Variants in ANKS1B observed in about 807,000 individuals in gnomAD.
ANKS1B encodes ankyrin repeat and sterile alpha motif domain-containing protein 1B.
Under a neutral mutation model 148.3 loss-of-function variants are expected in ANKS1B, and 36 were observed. The observed-to-expected ratio is 0.24, with a 90% CI of 0.19 to 0.32. The LOEUF is 0.32. Ranked by LOEUF, ANKS1B falls within the 10% of genes least tolerant of loss-of-function variation. ANKS1B has a pLI of 1.00. For missense variants in ANKS1B, 1,157 were observed against 1,542.6 expected (o/e 0.75, Z 4.19); for synonymous variants, 542 against 560.8 (o/e 0.97, Z 0.47).
At chr12:98,780,520 C>G (rs1593439823) in intron 24 of ANKS1B, among the ~76,000 whole-genome samples, 1 of 152,222 alleles carries the variant, frequency 6.6e-6, no homozygotes, top group South Asian at 2.1e-4. Context: ...GAAGAAGTCA[C>G]AGCGGAGCCA....
chr12:99,014,965 C>T (rs575275747), intron 17 of ANKS1B, among the ~76,000 whole-genome samples: 9 of 152,290 alleles, frequency 5.9e-5, no homozygotes, highest in Non-Finnish European at 7.4e-5. Flanking sequence ...GTGGCCATTC[C>T]TCAAAGACCT....
At chr12:99,274,818 G>A (rs926579355) in intron 12 of ANKS1B, among the ~76,000 whole-genome samples, 1 of 152,112 alleles carries the variant, frequency 6.6e-6, no homozygotes, top group Non-Finnish European at 1.5e-5. Context: ...ATGGGACTGG[G>A]GTCAATGCAA....
intron 12 of ANKS1B, among the ~76,000 whole-genome samples, chr12:99,280,870 GTCTCTC>G (rs543317899): frequency 2.1e-5 from 3 of 145,390 alleles, no homozygotes; most frequent in African/African-American, 7.8e-5. Flanking sequence ...CTCTCTGTCT[GTCTCTC>G]TCTCTCTCTC....
chr12:99,199,149 C>T (rs879275453), intron 14 of ANKS1B, among the ~76,000 whole-genome samples: 4 of 152,194 alleles, frequency 2.6e-5, no homozygotes, highest in Admixed American at 6.5e-5. Flanking sequence ...TGACTACAAC[C>T]TCATAAGAGA....
chr12:99,910,768 C>G (rs2093981425), intron 1 of ANKS1B, among the ~76,000 whole-genome samples: 1 of 151,256 alleles, frequency 6.6e-6, no homozygotes, highest in South Asian at 2.1e-4. Context: ...GTGTACACAC[C>G]CATAATATAT....
At chr12:99,063,225 T>C (rs1328339263) in intron 16 of ANKS1B, among the ~76,000 whole-genome samples, 1 of 152,230 alleles carries the variant, frequency 6.6e-6, no homozygotes, top group Non-Finnish European at 1.5e-5. Flanking sequence ...CTGCCTGATA[T>C]GGCTTTTGTA....
At chr12:98,891,108 A>C (rs1416832855) in intron 17 of ANKS1B, among the ~76,000 whole-genome samples, 2 of 152,238 alleles carry the variant, frequency 1.3e-5, no homozygotes, top group Admixed American at 1.3e-4. Flanking sequence ...ATTTACAGAA[A>C]AATTGTTTTG....
chr12:99,721,975 C>G (rs2058132603), intron 8 of ANKS1B, among the ~76,000 whole-genome samples: 1 of 152,228 alleles, frequency 6.6e-6, no homozygotes, highest in Admixed American at 6.5e-5. Flanking sequence ...AAACCAGCCA[C>G]AACATTTACT....
chr12:99,691,411 CA>C (rs1294245393), intron 8 of ANKS1B, among the ~76,000 whole-genome samples: 1 of 152,166 alleles, frequency 6.6e-6, no homozygotes, highest in Non-Finnish European at 1.5e-5. Context: ...GCAAATTTTT[CA>C]AACTTTTATG....
At position 99,755,500 on chromosome 12, in the gene ANKS1B, C is replaced by T. The variant is rs1167589618; in HGVS notation, c.1128+17422G>A. ...CTCCTCCCTAACTCATTCTATGAGG[C>T]CAACATCATCCTGATACCAAAACCT... On this transcript the variant is annotated intron_variant, in intron 8 of 26. Coordinates refer to ENST00000683438, the MANE Select transcript of ANKS1B (RefSeq NM_001352186.2). 4.6e-5 allele frequency among the ~76,000 whole-genome samples: 7 copies of T among 151,278 alleles called. No individual in the cohort carries two copies. In the Admixed American group the frequency reaches 4.6e-4, roughly 10 times the overall value.
chr12:98,824,875 C>T (rs994640559), intron 19 of ANKS1B, among the ~76,000 whole-genome samples: 3 of 152,060 alleles, frequency 2.0e-5, no homozygotes, highest in African/African-American at 7.2e-5. Flanking sequence ...GTGTTAACCA[C>T]GAGTTGATTC....
intron 12 of ANKS1B, among the ~76,000 whole-genome samples, chr12:99,352,642 T>C (rs2152392769): frequency 6.6e-6 from 1 of 152,006 alleles, no homozygotes; most frequent in East Asian, 1.9e-4. Flanking sequence ...GAAATTAATA[T>C]ATCTTGAGAG....
intron 15 of ANKS1B, among the ~76,000 whole-genome samples, chr12:99,144,356 C>A (rs2072178289): frequency 6.6e-6 from 1 of 151,966 alleles, no homozygotes; most frequent in South Asian, 2.1e-4. Context: ...TATTAAATAG[C>A]AGTGTTATCT....
chr12:99,281,715 A>C (rs563000619), intron 12 of ANKS1B, among the ~76,000 whole-genome samples: 1 of 152,340 alleles, frequency 6.6e-6, no homozygotes, highest in South Asian at 2.1e-4. Flanking sequence ...GCCAGGAAGC[A>C]ATTTCATTAA....
intron 1 of ANKS1B, among the ~76,000 whole-genome samples, chr12:99,930,850 C>T (rs2094595535): frequency 6.6e-6 from 1 of 152,108 alleles, no homozygotes; most frequent in African/African-American, 2.4e-5. Context: ...TGGGTATATA[C>T]CCAAAGGATT....
At chr12:99,852,007 G>A (rs2087950850) in intron 1 of ANKS1B, among the ~76,000 whole-genome samples, 1 of 152,070 alleles carries the variant, frequency 6.6e-6, no homozygotes, top group East Asian at 1.9e-4. Flanking sequence ...AGCACTTTCT[G>A]GTATCACACC....
At chr12:99,452,636 T>A (rs1370141669) in intron 10 of ANKS1B, among the ~76,000 whole-genome samples, 1 of 152,206 alleles carries the variant, frequency 6.6e-6, no homozygotes, top group Non-Finnish European at 1.5e-5. Context: ...AGCCCAAGTA[T>A]CCTGTTTCAG....
rs370909099 is a variant in ANKS1B at position 99,545,812 on chromosome 12, G to A, written c.1273-41171C>T. On this transcript the variant is annotated intron_variant, in intron 9 of 26. Transcript: ENST00000683438. ...TATATATATATAAAATTATTGCATC[G>A]GGGCTTCTTTGTTGCTTTTCTTTTT... 1.8e-3 allele frequency among the ~76,000 whole-genome samples: 275 copies of A among 149,092 alleles called. 1 individual carries two copies. The highest frequency in any genetic ancestry group is 8.8e-3 in the Admixed American group (131 of 14,864).
At chr12:99,770,524 G>T (rs950446661) in intron 8 of ANKS1B, among the ~76,000 whole-genome samples, 8 of 152,096 alleles carry the variant, frequency 5.3e-5, no homozygotes, top group African/African-American at 1.9e-4. Context: ...AACATGGAAT[G>T]AATTCAAATA....
Sources: gnomAD v4.1 joint callset for allele counts (sites outside exome capture counted in the v4.1 genomes callset) on GRCh38, gnomAD v4.1.1 for gene constraint, MANE v1.5 for transcripts, NCBI Gene and HGNC (gene_info 2026-07-23, HGNC 2026-07-21) for gene names.